Variants in SMOC1 observed in about 807,000 individuals in gnomAD.
SMOC1 encodes the protein SPARC-related modular calcium-binding protein 1.
A neutral mutation model predicts 56.3 loss-of-function variants in SMOC1; 22 were observed. That is an observed-to-expected ratio of 0.39 (90% CI 0.28 to 0.56). The LOEUF is 0.56. Ranked by LOEUF, SMOC1 falls within the 20% of genes least tolerant of loss-of-function variation. SMOC1 has a pLI of 0.61. For synonymous variants in SMOC1, 193 were observed against 215.0 expected, an observed-to-expected ratio of 0.90 and a Z score of 0.89; for missense variants, 509 against 565.4, an observed-to-expected ratio of 0.90 and a Z score of 1.01.
At chr14:69,998,157 G>T (rs1884838722) in intron 7 of SMOC1, among the ~76,000 whole-genome samples, 1 of 152,142 alleles carries the variant, frequency 6.6e-6, no homozygotes, top group African/African-American at 2.4e-5. Context: ...TTAAGGCTTT[G>T]TCATGTGTTC....
intron 5 of SMOC1, among the ~76,000 whole-genome samples, chr14:69,978,540 C>T (rs749575107): frequency 1.3e-5 from 2 of 152,136 alleles, no homozygotes; most frequent in Non-Finnish European, 2.9e-5. Flanking sequence ...AGGAGAGACA[C>T]GTCATATGAG....
intron 1 of SMOC1, among the ~76,000 whole-genome samples, chr14:69,896,870 T>A (rs1409408115): frequency 6.6e-6 from 1 of 152,380 alleles, no homozygotes. Flanking sequence ...CATGGTAGGC[T>A]GTTTTCCTGA....
chr14:70,023,295 A>G lies in SMOC1; in HGVS notation c.1139A>G (p.Asn380Ser). 1 of 1,614,166 alleles carries G rather than the reference A, an allele frequency of 6.2e-7. No individual in the cohort carries two copies. Among genetic ancestry groups the G allele is most frequent in the Non-Finnish European group, 8.5e-7 (1 of 1,180,032 alleles). ...GACAGCAATAGCAGCAACGACATTA[A>G]CAAGCGGGAGATGAAGCCCTTCAAG... ...QLDSNSSNDI[N>S]KREMKPFKRY... Residue 380 changes from asparagine to serine, a missense_variant, in exon 11 of 12, where the codon AAC (asparagine) becomes AGC (serine). Physicochemically the swap from Asn to Ser is conservative, Grantham distance 46. This residue lies in a region of SMOC1 where 176 missense variants were observed against 188.1 expected (regional missense o/e 0.94). Coordinates refer to ENST00000361956, the MANE Select transcript of SMOC1 (RefSeq NM_001034852.3).
rs1159674279 is a variant in SMOC1 at position 69,879,419 on chromosome 14, C to A, written c.-260C>A. 3 of 372,682 alleles carry A rather than the reference C, an allele frequency of 8.0e-6. No homozygotes were observed. The highest frequency in any genetic ancestry group is 1.4e-5 in the Non-Finnish European group (3 of 211,848). 23.1% of individuals were successfully genotyped at this position (372,682 alleles called of 1,614,324 possible). A position where few individuals can be genotyped will look rare whatever the true frequency, so the allele number is the denominator to read the frequency against. On this transcript the variant is annotated 5_prime_UTR_variant, in exon 1 of 12. Coordinates refer to ENST00000361956, the MANE Select transcript of SMOC1 (RefSeq NM_001034852.3). Reference sequence around the variant, plus strand: ...GGAATTCCCATGGCCCGGGCTCAGGCGTCCAACCTGCTGCCGCCTGGGCCC... The same window carrying A: ...GGAATTCCCATGGCCCGGGCTCAGGAGTCCAACCTGCTGCCGCCTGGGCCC...
intron 5 of SMOC1, among the ~76,000 whole-genome samples, chr14:69,986,983 G>GCC (rs1485273605): frequency 3.3e-5 from 5 of 152,186 alleles, no homozygotes; most frequent in Admixed American, 2.0e-4. Flanking sequence ...AGGAAATGTT[G>GCC]AGGTGGCCTA....
rs1884445325 is a variant in SMOC1 at position 69,907,603 on chromosome 14, C to A, written c.99+27826C>A. 2.6e-5 allele frequency among the ~76,000 whole-genome samples: 4 copies of A among 152,282 alleles called. No individual in the cohort carries two copies. In the South Asian group the frequency reaches 8.3e-4, roughly 32 times the overall value. ...TATTTTAGCTCTAAGGGTAATGTGC[C>A]TCTCATTAGCCGACATTCGGTAAGA... On this transcript the variant is annotated intron_variant, in intron 1 of 11. Transcript: ENST00000361956.
At chr14:69,970,632 G>A (rs369685164) in intron 3 of SMOC1, among the ~76,000 whole-genome samples, 83 of 152,138 alleles carry the variant, frequency 5.5e-4, no homozygotes, top group Non-Finnish European at 9.4e-4. Flanking sequence ...TATTTTTTGC[G>A]TTGGACATGG....
At chr14:69,987,071 C>T (rs1369928990) in intron 5 of SMOC1, among the ~76,000 whole-genome samples, 1 of 152,292 alleles carries the variant, frequency 6.6e-6, no homozygotes, top group East Asian at 1.9e-4. Flanking sequence ...TGTCTCCTTA[C>T]GATGCCCAGA....
In SMOC1 at chr14:69,890,065, C is replaced by T. The variant is rs9944026; in HGVS notation, c.99+10288C>T. On this transcript the variant is annotated intron_variant, in intron 1 of 11. Coordinates refer to ENST00000361956, the MANE Select transcript of SMOC1 (RefSeq NM_001034852.3). Reference sequence around the variant, plus strand: ...AGCACATGGACATCTTTGTGGGGAGCGTGATTCTGCCTACCACATTCATTA... The same window carrying T: ...AGCACATGGACATCTTTGTGGGGAGTGTGATTCTGCCTACCACATTCATTA... 7.6e-3 allele frequency among the ~76,000 whole-genome samples: 1,156 copies of T among 152,250 alleles called. 13 individuals carry two copies. The highest frequency in any genetic ancestry group is 0.025 in the African/African-American group (1,037 of 41,560).
Position 69,994,397 on chromosome 14 carries a change from T to C in SMOC1, c.584-3T>C. 6.2e-7 allele frequency: 1 copy of C among 1,613,178 alleles called. No individual in the cohort carries two copies. The highest frequency in any genetic ancestry group is 1.7e-4 in the Middle Eastern group (1 of 6,060). ...TTTTCTCTCTCCTTTTCCTCACCCC[T>C]AGAAATCACAGCCCCAACTCTATGG... On this transcript the variant is annotated splice_region_variant and splice_polypyrimidine_tract_variant and intron_variant, in intron 6 of 11. Transcript: ENST00000361956.
chr14:69,994,158 C>G, intron 6 of SMOC1: 1 of 578,686 alleles, frequency 1.7e-6, no homozygotes. Flanking sequence ...TGCTCAGTGC[C>G]TCTGCATTCT....
rs1056160052 is a variant in SMOC1, at chr14:69,923,444, C to T, written c.100-28694C>T. The stretch of plus-strand genomic sequence containing the variant: ...GAGCACAGGGGGTAATAGCATGGAC[C>T]AGAAGGAAAGAGAGACCTGTTTCGT... On this transcript the variant is annotated intron_variant, in intron 1 of 11. Coordinates refer to ENST00000361956, the MANE Select transcript of SMOC1 (RefSeq NM_001034852.3). 3.9e-5 allele frequency among the ~76,000 whole-genome samples: 6 copies of T among 152,238 alleles called. No individual in the cohort carries two copies. In the East Asian group the frequency reaches 1.2e-3, roughly 29 times the overall value.
chr14:69,978,283 C>T (rs556721236), intron 5 of SMOC1, among the ~76,000 whole-genome samples: 12 of 152,270 alleles, frequency 7.9e-5, no homozygotes, highest in Middle Eastern at 3.4e-3. Context: ...GTGTAGCCAG[C>T]ATTAAACCAG....
chr14:69,989,668 G>T (rs140559684), intron 5 of SMOC1, among the ~76,000 whole-genome samples: 28 of 152,316 alleles, frequency 1.8e-4, no homozygotes, highest in Non-Finnish European at 4.0e-4. Context: ...TACATGTGAA[G>T]GGGGATTTGG....
At chr14:69,932,560 C>T (rs1885194846) in intron 1 of SMOC1, among the ~76,000 whole-genome samples, 1 of 152,240 alleles carries the variant, frequency 6.6e-6, no homozygotes, top group African/African-American at 2.4e-5. Context: ...CAGCATTGTT[C>T]ATACAGGTGC....
At chr14:69,942,229 A>T (rs550901320) in intron 1 of SMOC1, among the ~76,000 whole-genome samples, 3 of 151,888 alleles carry the variant, frequency 2.0e-5, no homozygotes, top group Admixed American at 6.6e-5. Flanking sequence ...TTGTAGGGGC[A>T]GGGCCTGTGT....
intron 1 of SMOC1, chr14:69,885,461 T>C (rs1327628386): frequency 4.4e-6 from 7 of 1,601,006 alleles, no homozygotes; most frequent in South Asian, 2.2e-5. Context: ...GTATCTGTCA[T>C]TGTAATTGGT....
At chr14:70,026,911 C>T (rs1325585362) in intron 11 of SMOC1, among the ~76,000 whole-genome samples, 1 of 151,910 alleles carries the variant, frequency 6.6e-6, no homozygotes, top group Non-Finnish European at 1.5e-5. Flanking sequence ...CTGTGTATGT[C>T]TGTGCATGTG....
intron 1 of SMOC1, among the ~76,000 whole-genome samples, chr14:69,883,337 A>C (rs138179879): frequency 2.6e-5 from 4 of 152,086 alleles, no homozygotes; most frequent in African/African-American, 9.6e-5. Context: ...TTCTACTTCT[A>C]TGAGACCAAT....
Sources: gnomAD v4.1 joint callset for allele counts (sites outside exome capture counted in the v4.1 genomes callset) on GRCh38, gnomAD v4.1.1 for gene constraint, gnomAD v4.1.1 regional missense constraint, MANE v1.5 for transcripts, NCBI Gene and HGNC (gene_info 2026-07-23, HGNC 2026-07-21) for gene names.